Variants in RMDN1 observed in about 807,000 individuals in gnomAD.
The protein encoded by RMDN1 is regulator of microtubule dynamics 1.
Under a neutral mutation model 48.9 loss-of-function variants are expected in RMDN1, and 48 were observed. The observed-to-expected ratio is 0.98, with a 90% CI of 0.78 to 1.25. The LOEUF (loss-of-function observed/expected upper bound fraction) is 1.25, where lower values mean the gene tolerates loss of function less well. Ranked by LOEUF, RMDN1 falls within the 50% of genes most tolerant of loss-of-function variation. RMDN1 has a pLI of 0.00. For missense variants in RMDN1, 418 were observed against 373.4 expected, an observed-to-expected ratio of 1.12 and a Z score of -0.98; for synonymous variants, 148 against 132.6, an observed-to-expected ratio of 1.12 and a Z score of -0.80.
chr8:86,471,023 AGTGGT>A (rs1238900216), downstream of RMDN1, among the ~76,000 whole-genome samples: 10 of 152,314 alleles, frequency 6.6e-5, no homozygotes, highest in East Asian at 1.9e-3. Context: ...AGCATTTAAA[AGTGGT>A]AAAATTTAAA....
intron 2 of RMDN1, among the ~76,000 whole-genome samples, chr8:86,497,745 G>A (rs1436553357): frequency 6.7e-6 from 1 of 149,512 alleles, no homozygotes; most frequent in Non-Finnish European, 1.5e-5. Context: ...AAACAGAGAA[G>A]ATCCAGATAA....
At chr8:86,481,276 A>AG (rs1814363738) in intron 5 of RMDN1, among the ~76,000 whole-genome samples, 1 of 152,124 alleles carries the variant, frequency 6.6e-6, no homozygotes, top group Admixed American at 6.5e-5. Flanking sequence ...ACCACAACTG[A>AG]GTTTTTTCTC....
chr8:86,495,698 G>A (rs1225337293), intron 2 of RMDN1, among the ~76,000 whole-genome samples: 1 of 152,138 alleles, frequency 6.6e-6, no homozygotes, highest in African/African-American at 2.4e-5. Context: ...TCCCAAGGGA[G>A]GACTTTTGAA....
intron 8 of RMDN1, among the ~76,000 whole-genome samples, chr8:86,476,429 G>A (rs1025399847): frequency 6.6e-6 from 1 of 152,032 alleles, no homozygotes; most frequent in African/African-American, 2.4e-5. Context: ...AATAAACATG[G>A]TATGTCTTCT....
chr8:86,495,092 TGA>T (rs1392941276), intron 2 of RMDN1: 30 of 280,370 alleles, frequency 1.1e-4, no homozygotes, highest in South Asian at 8.8e-4. Context: ...ATTCTCCCAC[TGA>T]GAGAGACCAT....
In RMDN1 at chr8:86,507,124, ATTATG is replaced by A; in HGVS notation, c.130-17_130-13del. 1 of 1,510,500 alleles carries A rather than the reference ATTATG, an allele frequency of 6.6e-7. No homozygotes were observed. Among genetic ancestry groups the A allele is most frequent in the Non-Finnish European group, 9.2e-7 (1 of 1,086,452 alleles). The allele number at this position is 1,510,500 out of a possible 1,614,324, so 93.6% of individuals were successfully genotyped here. The stretch of plus-strand genomic sequence containing the variant: ...GGGTTTCCCATTACCTATGGAAACA[ATTATG>A]TTAAGAGTTACAAACTTTGAAAATT... On this transcript the variant is annotated splice_polypyrimidine_tract_variant and intron_variant, in intron 1 of 9. Transcript: ENST00000406452.
At chr8:86,470,361 C>T (rs1451476061), downstream of RMDN1, 4 of 1,289,078 alleles carry the variant, frequency 3.1e-6, no homozygotes, top group South Asian at 1.2e-5. Flanking sequence ...GGGTCTCACC[C>T]TTAGTGGGGA....
In RMDN1 at chr8:86,472,526, A is replaced by G; in HGVS notation, c.*1782T>C. 1.4e-6 allele frequency: 1 copy of G among 698,420 alleles called. No homozygotes were observed. Among genetic ancestry groups the G allele is most frequent in the South Asian group, 1.5e-5 (1 of 66,528 alleles). The allele number at this position is 698,420 out of a possible 1,614,324, so 43.3% of individuals were successfully genotyped here. ...ATACAATAACCTTTTAAAATACAGC[A>G]TCATTAAGTGGGAAACTGAAAGCCT... On this transcript the variant is annotated 3_prime_UTR_variant, in exon 10 of 10. Coordinates refer to ENST00000406452, the MANE Select transcript of RMDN1 (RefSeq NM_016033.3).
intron 2 of RMDN1, among the ~76,000 whole-genome samples, chr8:86,503,386 A>C (rs1490743137): frequency 3.0e-5 from 2 of 65,928 alleles, no homozygotes; most frequent in Non-Finnish European, 5.1e-5. Flanking sequence ...AAAAAAAAAA[A>C]AAACAAAAAA....
At chr8:86,498,942 A>G (rs1817795377) in intron 2 of RMDN1, among the ~76,000 whole-genome samples, 1 of 152,218 alleles carries the variant, frequency 6.6e-6, no homozygotes, top group African/African-American at 2.4e-5. Flanking sequence ...TTCATCACAG[A>G]AACAGAACTA....
chr8:86,514,336 G>A (rs1820200063), exon 1 of RMDN1: 1 of 879,650 alleles, frequency 1.1e-6, no homozygotes. Context: ...GCAGCCCGGA[G>A]TCAGCTCCCT....
rs1376437474 is a variant in RMDN1 at position 86,474,889 on chromosome 8, G to C, written c.825C>G (p.Asn275Lys). Residue 275 changes from asparagine to lysine, a missense_variant, in exon 9 of 10, where the codon AAC (asparagine) becomes AAG (lysine). By Grantham distance (94) the Asn-to-Lys change is moderately conservative (BLOSUM62 0). Transcript: ENST00000406452. ...TTAGCCAGAAAGCAGCAAGCTTTTT[G>C]TTGTGTAGTTTCAAGTATGTCTTTC... ...LLGKTYLKLH[N>K]KKLAAFWLMK... 1.2e-5 allele frequency: 20 copies of C among 1,613,030 alleles called. No individual in the cohort carries two copies. Among genetic ancestry groups the C allele is most frequent in the Non-Finnish European group, 1.5e-5 (18 of 1,179,568 alleles).
At chr8:86,488,823 A>C (rs935857691) in intron 2 of RMDN1, among the ~76,000 whole-genome samples, 184 bp from the exon 3 acceptor site, 3 of 152,242 alleles carry the variant, frequency 2.0e-5, no homozygotes. Flanking sequence ...AATAAGCATA[A>C]TGCTATCATA....
chr8:86,500,592 G>A (rs931340179), intron 2 of RMDN1, among the ~76,000 whole-genome samples: 11 of 151,742 alleles, frequency 7.2e-5, no homozygotes, highest in Admixed American at 7.2e-4. Flanking sequence ...ACTGCTGGTG[G>A]GAATATAAAT....
At chr8:86,504,549 C>T (rs1400241599) in intron 2 of RMDN1, 1 of 1,348,522 alleles carries the variant, frequency 7.4e-7, no homozygotes, top group African/African-American at 1.4e-5. Flanking sequence ...CTGTAGTTTC[C>T]CTATTTCTGC....
chr8:86,492,249 T>A (rs1021196891), intron 2 of RMDN1, among the ~76,000 whole-genome samples: 6 of 152,144 alleles, frequency 3.9e-5, no homozygotes, highest in Admixed American at 3.3e-4. Flanking sequence ...AACCTTTAAG[T>A]TGGGCACTTG....
chr8:86,486,878 TA>T (rs1815576923), intron 3 of RMDN1, among the ~76,000 whole-genome samples: 1 of 152,008 alleles, frequency 6.6e-6, no homozygotes, highest in African/African-American at 2.4e-5. Flanking sequence ...CTCTAGTATC[TA>T]AAATACTTCT....
At chr8:86,498,772 C>A (rs1194459966) in intron 2 of RMDN1, among the ~76,000 whole-genome samples, 1 of 152,034 alleles carries the variant, frequency 6.6e-6, no homozygotes, top group East Asian at 1.9e-4. Flanking sequence ...CAGAGTGAGA[C>A]CCTGTCTTAA....
upstream of RMDN1, chr8:86,508,710 C>CCGCG: frequency 7.4e-7 from 1 of 1,345,378 alleles, no homozygotes; most frequent in Admixed American, 4.4e-5. Flanking sequence ...CCGGAAAGAA[C>CCGCG]CGCGCCCGCC....
Sources: gnomAD v4.1 joint callset for allele counts (sites outside exome capture counted in the v4.1 genomes callset) on GRCh38, gnomAD v4.1.1 for gene constraint, MANE v1.5 for transcripts, NCBI Gene and HGNC (gene_info 2026-07-23, HGNC 2026-07-21) for gene names.